LMX1A: variants seen among roughly 807,000 people sequenced by gnomAD.
LMX1A encodes the protein LIM homeobox transcription factor 1 alpha.
In LMX1A, 15 loss-of-function variants were observed where a neutral mutation model predicts 49.1. The ratio of observed to expected loss-of-function variants is 0.31; its 90% CI spans 0.20 to 0.47. The LOEUF (loss-of-function observed/expected upper bound fraction) is 0.47. Ranked by LOEUF, LMX1A falls within the 20% of genes least tolerant of loss-of-function variation. The pLI is 1.00. For missense variants in LMX1A, 372 were observed against 475.8 expected (o/e 0.78, Z 2.03); for synonymous variants, 167 against 185.7 (o/e 0.90, Z 0.82).
chr1:165,213,703 T>A lies in LMX1A; in HGVS notation c.607A>T (p.Thr203Ser). Residue 203 changes from threonine (T) to serine (S), a missense_variant, in exon 5 of 9, where the codon ACA becomes TCA. Physicochemically the swap from Thr to Ser is moderately conservative, Grantham distance 58. Transcript: ENST00000342310. Reference sequence around the variant, plus strand: ...TTGAATGCTCGCCTCTGTTGAGTTGTCAAGATGGTTCTCGGACGTTTGGGG... The same window carrying A: ...TTGAATGCTCGCCTCTGTTGAGTTGACAAGATGGTTCTCGGACGTTTGGGG... Reference protein sequence around the residue: ...KRPKRPRTILTTQQRRAFKAS... With the variant: ...KRPKRPRTILSTQQRRAFKAS... 6.2e-7 allele frequency: 1 copy of A among 1,614,242 alleles called. No individual in the cohort carries two copies. The highest frequency in any genetic ancestry group is 8.5e-7 in the Non-Finnish European group (1 of 1,180,038).
At chr1:165,263,235 C>T (rs796305308) in intron 3 of LMX1A, among the ~76,000 whole-genome samples, 4 of 152,302 alleles carry the variant, frequency 2.6e-5, no homozygotes, top group African/African-American at 9.6e-5. Context: ...TTGAATCTAA[C>T]TTGTATACCC....
At chr1:165,328,425 C>T (rs1655648355) in intron 3 of LMX1A, among the ~76,000 whole-genome samples, 1 of 152,214 alleles carries the variant, frequency 6.6e-6, no homozygotes, top group Non-Finnish European at 1.5e-5. Flanking sequence ...AGTCTGGAAG[C>T]AGGCTTTCTG....
chr1:165,235,072 T>C (rs1027461413), intron 4 of LMX1A, among the ~76,000 whole-genome samples: 2 of 152,160 alleles, frequency 1.3e-5, no homozygotes, highest in African/African-American at 4.8e-5. Context: ...TCCTGATATT[T>C]AAATCACCTC....
chr1:165,248,247 A>G (rs1506945), intron 4 of LMX1A, among the ~76,000 whole-genome samples: 152,139 of 152,302 alleles, frequency 1, 75,988 homozygotes, highest in Middle Eastern at 1. Flanking sequence ...TTGAGAGTAG[A>G]TGAGACACAA....
chr1:165,211,072 A>T (rs1458155692), intron 5 of LMX1A: 1 of 279,420 alleles, frequency 3.6e-6, no homozygotes, highest in Admixed American at 5.0e-5. Flanking sequence ...TTTAGACTTT[A>T]GTCTATTGTT....
chr1:165,323,749 G>A (rs1240926928), intron 3 of LMX1A, among the ~76,000 whole-genome samples: 2 of 152,056 alleles, frequency 1.3e-5, no homozygotes, highest in African/African-American at 4.8e-5. Flanking sequence ...AAGTCCTTGC[G>A]TGTTTAATTT....
At chr1:165,266,010 A>C (rs1653608634) in intron 3 of LMX1A, among the ~76,000 whole-genome samples, 1 of 152,204 alleles carries the variant, frequency 6.6e-6, no homozygotes, top group South Asian at 2.1e-4. Flanking sequence ...ATTCATATAT[A>C]CAACAAATAT....
chr1:165,233,566 C>G (rs1187653476), intron 4 of LMX1A, among the ~76,000 whole-genome samples: 1 of 152,214 alleles, frequency 6.6e-6, no homozygotes, highest in African/African-American at 2.4e-5. Flanking sequence ...AACTGCCCAC[C>G]AAACATCTAC....
rs1650947111 is a variant in LMX1A at position 165,203,784 on chromosome 1, A to C, written c.*96T>G. 2.5e-6 allele frequency: 3 copies of C among 1,212,232 alleles called. No individual in the cohort carries two copies. The highest frequency in any genetic ancestry group is 3.6e-6 in the Non-Finnish European group (3 of 842,054). The allele number at this position is 1,212,232 out of a possible 1,614,324, so 75.1% of individuals were successfully genotyped here. ...CCCAACAAAACTCCCTCCCCAACCCACCTCTTCCCTGGCCTCCCTGTCCTA... is the reference window on the plus strand; with the variant it reads ...CCCAACAAAACTCCCTCCCCAACCCCCCTCTTCCCTGGCCTCCCTGTCCTA... On this transcript the variant is annotated 3_prime_UTR_variant, in exon 9 of 9. Coordinates refer to ENST00000342310, the MANE Select transcript of LMX1A (RefSeq NM_177398.4).
chr1:165,228,603 C>T (rs1652127985), intron 4 of LMX1A, among the ~76,000 whole-genome samples: 1 of 152,172 alleles, frequency 6.6e-6, no homozygotes, highest in Admixed American at 6.5e-5. Context: ...TTTCACTAGC[C>T]ATATTGAAAA....
In LMX1A at chr1:165,203,538, C is replaced by T. The variant is rs1229909787; in HGVS notation, c.*342G>A. The T allele has an allele frequency of 1.1e-5, 2 of 188,742 alleles. No individual in the cohort carries two copies. The highest frequency in any genetic ancestry group is 2.3e-5 in the African/African-American group (1 of 43,084). The allele number at this position is 188,742 out of a possible 1,614,324, so 11.7% of individuals were successfully genotyped here. ...GTGTGTAGATGGATAGACATATGCA[C>T]CTCTTGACAAGAGCTTCCCCGACAT... is the stretch of plus-strand genomic sequence containing the variant. On this transcript the variant is annotated 3_prime_UTR_variant, in exon 9 of 9. Coordinates refer to ENST00000342310, the MANE Select transcript of LMX1A (RefSeq NM_177398.4).
At chr1:165,283,244 G>C (rs772041180) in intron 3 of LMX1A, among the ~76,000 whole-genome samples, 12 of 152,178 alleles carry the variant, frequency 7.9e-5, no homozygotes, top group Non-Finnish European at 1.2e-4. Flanking sequence ...TACTGTACAG[G>C]TTTGTAACAT....
At chr1:165,213,949 G>T in intron 4 of LMX1A, 136 bp from the exon 5 acceptor site, 3 of 725,648 alleles carry the variant, frequency 4.1e-6, no homozygotes, top group Non-Finnish European at 6.8e-6. Flanking sequence ...ATGTGGTATT[G>T]CTTTGAAAGC....
intron 4 of LMX1A, among the ~76,000 whole-genome samples, chr1:165,246,379 G>A (rs1229483163): frequency 6.6e-6 from 1 of 152,136 alleles, no homozygotes; most frequent in Non-Finnish European, 1.5e-5. Context: ...AGGCTTTAAT[G>A]TCACTTCATT....
At chr1:165,275,777 C>T (rs929766485) in intron 3 of LMX1A, among the ~76,000 whole-genome samples, 7 of 151,700 alleles carry the variant, frequency 4.6e-5, no homozygotes, top group East Asian at 1.9e-4. Context: ...CACACAGGAA[C>T]GACAACTGGG....
In LMX1A at chr1:165,221,934, C is replaced by CAT. The variant is rs1457084978; in HGVS notation, c.497-8122_497-8121insAT. On this transcript the variant is annotated intron_variant, in intron 4 of 8. Coordinates refer to ENST00000342310, the MANE Select transcript of LMX1A (RefSeq NM_177398.4). ...ACACACACACACACACACACACACACACACACACACGCACACGCACACACA... is the reference window on the plus strand; with the variant it reads ...ACACACACACACACACACACACACACATACACACACACGCACACGCACACACA... Among the ~76,000 whole-genome samples the CAT allele has an allele frequency of 2.1e-5, 3 of 143,938 alleles. No individual in the cohort carries two copies. The Admixed American group carries it at 2.2e-4, about 11-fold the overall frequency. The allele number at this position is 143,938 out of a possible 152,430, so 94.4% of individuals were successfully genotyped here.
intron 3 of LMX1A, among the ~76,000 whole-genome samples, chr1:165,315,567 T>C (rs1351845037): frequency 6.6e-6 from 1 of 152,236 alleles, no homozygotes; most frequent in African/African-American, 2.4e-5. Context: ...CAAGTCATGT[T>C]GTATTTGGTC....
At chr1:165,273,599 C>T (rs961890921) in intron 3 of LMX1A, among the ~76,000 whole-genome samples, 5 of 152,192 alleles carry the variant, frequency 3.3e-5, no homozygotes, top group African/African-American at 1.2e-4. Flanking sequence ...CTCCACCCTC[C>T]ACCAAACACA....
chr1:165,318,999 T>TCTCTCACACA (rs1444303214), intron 3 of LMX1A, among the ~76,000 whole-genome samples: 36 of 117,820 alleles, frequency 3.1e-4, no homozygotes, highest in African/African-American at 1.1e-3. Flanking sequence ...TCTCTCTCTC[T>TCTCTCACACA]CACACACACA....
Sources: gnomAD v4.1 joint callset for allele counts (sites outside exome capture counted in the v4.1 genomes callset) on GRCh38, gnomAD v4.1.1 for gene constraint, MANE v1.5 for transcripts, NCBI Gene and HGNC (gene_info 2026-07-23, HGNC 2026-07-21) for gene names.